The following CTNNA3 variants were observed in gnomAD, a reference collection of about 807,000 sequenced individuals.
CTNNA3 encodes the protein catenin alpha 3.
In CTNNA3, 76 loss-of-function variants were observed where a neutral mutation model predicts 95.7. The ratio of observed to expected loss-of-function variants is 0.79; its 90% CI spans 0.66 to 0.96. The LOEUF is 0.96. CTNNA3 is among the 40% of genes least tolerant of loss of function. CTNNA3 has a pLI of 0.00. For missense variants in CTNNA3, 1,191 were observed against 1,089.8 expected (o/e 1.09, Z -1.31); for synonymous variants, 431 against 374.4 (o/e 1.15, Z -1.74).
intron 13 of CTNNA3, among the ~76,000 whole-genome samples, chr10:66,189,954 C>T (rs1392686326): frequency 1.3e-5 from 2 of 151,690 alleles, no homozygotes; most frequent in African/African-American, 4.8e-5. Context: ...CACCAATATA[C>T]TTAAAATGGC....
intron 10 of CTNNA3, among the ~76,000 whole-genome samples, chr10:66,522,424 G>A (rs1841098124): frequency 3.9e-5 from 6 of 151,986 alleles, no homozygotes; most frequent in Admixed American, 3.9e-4. Flanking sequence ...GGGACCTGGT[G>A]GGAGGTACTT....
chr10:66,524,446 C>T (rs899830075), intron 10 of CTNNA3, among the ~76,000 whole-genome samples: 2 of 152,174 alleles, frequency 1.3e-5, no homozygotes, highest in Non-Finnish European at 2.9e-5. Context: ...TTTTCTCCCA[C>T]TTCAACACTA....
At chr10:67,664,723 A>G (rs1840287186) in intron 1 of CTNNA3, among the ~76,000 whole-genome samples, 1 of 152,214 alleles carries the variant, frequency 6.6e-6, no homozygotes, top group African/African-American at 2.4e-5. Flanking sequence ...AGGAATAAAT[A>G]AAGAGTCATT....
intron 11 of CTNNA3, among the ~76,000 whole-genome samples, chr10:66,443,716 G>C (rs1278517587): frequency 2.0e-5 from 3 of 151,970 alleles, no homozygotes; most frequent in African/African-American, 7.3e-5. Context: ...AAAACACAAA[G>C]ATGGGGAAAA....
chr10:67,135,031 G>A (rs1425576584), intron 7 of CTNNA3, among the ~76,000 whole-genome samples: 1 of 152,086 alleles, frequency 6.6e-6, no homozygotes. Context: ...AAGATAGAGG[G>A]GTAATGTTCC....
At chr10:66,363,960 A>G (rs1322340200) in intron 12 of CTNNA3, among the ~76,000 whole-genome samples, 1 of 152,156 alleles carries the variant, frequency 6.6e-6, no homozygotes, top group African/African-American at 2.4e-5. Flanking sequence ...CCCTTGTTTT[A>G]CAGATGACAG....
rs1488166096 is a variant in CTNNA3 at position 67,029,464 on chromosome 10, A to C, written c.1047+150853T>G. On this transcript the variant is annotated intron_variant, in intron 7 of 17. Coordinates refer to ENST00000433211, the MANE Select transcript of CTNNA3 (RefSeq NM_013266.4). ...TGAGGGTTGGTTTAGTTACTGTCTT[A>C]GGAAAAGCATGATAACCGGTGGGTA... is the stretch of plus-strand genomic sequence containing the variant. Among the ~76,000 whole-genome samples the C allele has an allele frequency of 3.3e-5, 5 of 152,164 alleles. No individual in the cohort carries two copies. In the East Asian group the frequency reaches 9.6e-4, roughly 29 times the overall value.
At chr10:67,125,682 A>T (rs928714590) in intron 7 of CTNNA3, among the ~76,000 whole-genome samples, 8 of 152,180 alleles carry the variant, frequency 5.3e-5, no homozygotes, top group African/African-American at 1.9e-4. Context: ...ACACAACTTC[A>T]ATTATGTAAG....
At chr10:67,562,313 T>C (rs1425504909) in intron 3 of CTNNA3, among the ~76,000 whole-genome samples, 4 of 152,152 alleles carry the variant, frequency 2.6e-5, no homozygotes, top group Non-Finnish European at 2.9e-5. Flanking sequence ...GCTTCATCGC[T>C]GGGATGCAAG....
At chr10:66,624,018 C>T (rs1844843936) in intron 9 of CTNNA3, among the ~76,000 whole-genome samples, 1 of 152,086 alleles carries the variant, frequency 6.6e-6, no homozygotes, top group Admixed American at 6.6e-5. Flanking sequence ...ATAAGATGTT[C>T]TGTAAAAATA....
At chr10:66,776,610 C>A (rs1442075398) in intron 7 of CTNNA3, among the ~76,000 whole-genome samples, 1 of 152,118 alleles carries the variant, frequency 6.6e-6, no homozygotes, top group Non-Finnish European at 1.5e-5. Context: ...TTTACAGTAG[C>A]AATATTCCTA....
intron 15 of CTNNA3, among the ~76,000 whole-genome samples, chr10:66,025,481 T>C (rs1410777361): frequency 6.6e-6 from 1 of 152,204 alleles, no homozygotes; most frequent in African/African-American, 2.4e-5. Flanking sequence ...ACTTTTTTCC[T>C]GAATATTGCC....
chr10:66,805,771 A>G (rs990609630), intron 7 of CTNNA3, among the ~76,000 whole-genome samples: 1 of 152,016 alleles, frequency 6.6e-6, no homozygotes, highest in Non-Finnish European at 1.5e-5. Context: ...AGCAGGAGAT[A>G]ATGTTTTGAA....
chr10:67,328,788 G>A (rs1297031159), intron 5 of CTNNA3, among the ~76,000 whole-genome samples: 1 of 152,118 alleles, frequency 6.6e-6, no homozygotes, highest in Non-Finnish European at 1.5e-5. Flanking sequence ...CCCTTCATGA[G>A]AGCCGTTCCA....
rs1271183979 is a variant in CTNNA3, at chr10:67,089,670, T to C, written c.1047+90647A>G. On this transcript the variant is annotated intron_variant, in intron 7 of 17. Coordinates refer to ENST00000433211, the MANE Select transcript of CTNNA3 (RefSeq NM_013266.4). ...TGGCACACATAAAGGATGAATGATA[T>C]AGTTAGTCGAATCAGCCAATCAGAG... Among the ~76,000 whole-genome samples, 7 of 151,784 alleles carry C rather than the reference T, an allele frequency of 4.6e-5. 1 individual carries two copies. Among genetic ancestry groups the C allele is most frequent in the African/African-American group, 1.5e-4 (6 of 41,338 alleles).
At chr10:67,163,746 G>A (rs936405549) in intron 7 of CTNNA3, among the ~76,000 whole-genome samples, 5 of 151,826 alleles carry the variant, frequency 3.3e-5, no homozygotes, top group South Asian at 2.1e-4. Flanking sequence ...CCACCAAAAC[G>A]ACAATAATAA....
At chr10:67,028,571 C>T (rs1853529170) in intron 7 of CTNNA3, among the ~76,000 whole-genome samples, 1 of 148,744 alleles carries the variant, frequency 6.7e-6, no homozygotes, top group Admixed American at 6.8e-5. Flanking sequence ...GTAGTTATGT[C>T]AAACAGCATG....
chr10:66,767,511 A>G (rs1019914434), intron 8 of CTNNA3, among the ~76,000 whole-genome samples: 14 of 152,106 alleles, frequency 9.2e-5, no homozygotes, highest in Non-Finnish European at 1.5e-5. Context: ...GTCAATGACT[A>G]TAAATGGGCC....
At chr10:67,635,925 A>C (rs747859770) in intron 2 of CTNNA3, among the ~76,000 whole-genome samples, 2 of 152,126 alleles carry the variant, frequency 1.3e-5, no homozygotes, top group Non-Finnish European at 2.9e-5. Flanking sequence ...AGCCCATTGT[A>C]TCAGCCCAAA....
Sources: allele counts gnomAD v4.1 joint callset (sites outside exome capture counted in the v4.1 genomes callset), GRCh38; gene constraint gnomAD v4.1.1; transcripts MANE v1.5; gene names NCBI Gene and HGNC (gene_info 2026-07-23, HGNC 2026-07-21).